Variants in PLGRKT observed in about 807,000 individuals in gnomAD.
PLGRKT encodes plasminogen receptor (KT).
Under a neutral mutation model 18.5 loss-of-function variants are expected in PLGRKT, and 22 were observed. That is an observed-to-expected ratio of 1.19 (90% confidence interval 0.85 to 1.70). The LOEUF (loss-of-function observed/expected upper bound fraction) is 1.70, where lower values mean the gene tolerates loss of function less well. Ranked by LOEUF, PLGRKT falls within the 40% of genes most tolerant of loss-of-function variation. The pLI is 0.00. For missense variants in PLGRKT, 235 were observed against 174.4 expected, an observed-to-expected ratio of 1.35 and a Z score of -1.96; for synonymous variants, 72 against 52.8, an observed-to-expected ratio of 1.36 and a Z score of -1.58.
intron 3 of PLGRKT, among the ~76,000 whole-genome samples, chr9:5,395,055 T>C (rs1186381777): frequency 1.3e-5 from 2 of 151,062 alleles, no homozygotes; most frequent in Non-Finnish European, 2.9e-5. Context: ...CAATGAAACA[T>C]TACACTCAAA....
intron 3 of PLGRKT, among the ~76,000 whole-genome samples, chr9:5,365,145 T>TC (rs1184867760): frequency 2.6e-5 from 4 of 151,892 alleles, no homozygotes; most frequent in Non-Finnish European, 4.4e-5. Flanking sequence ...AAACCAGGGC[T>TC]CCTTAGAGAA....
At chr9:5,408,952 G>C (rs909687958) in intron 3 of PLGRKT, among the ~76,000 whole-genome samples, 3 of 152,262 alleles carry the variant, frequency 2.0e-5, no homozygotes, top group African/African-American at 7.2e-5. Context: ...CAGCTTCCAT[G>C]TGATGCTAAG....
At chr9:5,363,421 G>C (rs185661587) in intron 3 of PLGRKT, among the ~76,000 whole-genome samples, 1 of 151,906 alleles carries the variant, frequency 6.6e-6, no homozygotes, top group East Asian at 2.0e-4. Flanking sequence ...CCTGGCCCAA[G>C]GTTTTGGACT....
At chr9:5,410,492 C>CT (rs1398801043) in intron 3 of PLGRKT, among the ~76,000 whole-genome samples, 1 of 126,152 alleles carries the variant, frequency 7.9e-6, no homozygotes, top group African/African-American at 3.4e-5. Flanking sequence ...GAGCAAGACT[C>CT]TGTCTCAAAA....
At chr9:5,370,000 G>C (rs1196843365) in intron 3 of PLGRKT, among the ~76,000 whole-genome samples, 7 of 152,060 alleles carry the variant, frequency 4.6e-5, no homozygotes, top group Admixed American at 4.6e-4. Flanking sequence ...ATAACGTGTT[G>C]ATGGGTGCAG....
intron 3 of PLGRKT, among the ~76,000 whole-genome samples, chr9:5,378,797 A>G (rs1299133055): frequency 1.3e-5 from 2 of 152,216 alleles, no homozygotes; most frequent in South Asian, 2.1e-4. Flanking sequence ...GGATTTAACC[A>G]TCTCTTTCAG....
intron 3 of PLGRKT, among the ~76,000 whole-genome samples, chr9:5,404,580 C>T (rs1818220316): frequency 6.6e-6 from 1 of 152,162 alleles, no homozygotes; most frequent in African/African-American, 2.4e-5. Flanking sequence ...TTCAACATCG[C>T]TTCATGTTAA....
Position 5,427,810 on chromosome 9 carries a change from G to T in PLGRKT, c.81+4087C>A, listed in dbSNP as rs553776570. On this transcript the variant is annotated intron_variant, in intron 3 of 5. Coordinates refer to ENST00000223864, the MANE Select transcript of PLGRKT (RefSeq NM_018465.4). ...TGACTTTCTGGAAAAGGAGGGACAA[G>T]GGCCCTGGTTGGCTGGGTTACAGGA... Among the ~76,000 whole-genome samples, 13 of 152,328 alleles carry T rather than the reference G, an allele frequency of 8.5e-5. No individual in the cohort carries two copies. In the South Asian group the frequency reaches 2.7e-3, roughly 32 times the overall value.
At chr9:5,424,974 CCAAAGTCTAACAACAGATATAAAGGT>C (rs1818668215) in intron 3 of PLGRKT, among the ~76,000 whole-genome samples, 1 of 151,898 alleles carries the variant, frequency 6.6e-6, no homozygotes, top group African/African-American at 2.4e-5. Context: ...TTTCTTAACA[CCAAAGTCTAACAACAGATATAAAGGT>C]CAAAGTCTAG....
At chr9:5,379,141 A>G (rs576430658) in intron 3 of PLGRKT, among the ~76,000 whole-genome samples, 1 of 152,328 alleles carries the variant, frequency 6.6e-6, no homozygotes, top group African/African-American at 2.4e-5. Flanking sequence ...GGTTGAATAT[A>G]TAATCAACAC....
At chr9:5,435,262 T>C (rs913976702) in intron 2 of PLGRKT, among the ~76,000 whole-genome samples, 1 of 149,098 alleles carries the variant, frequency 6.7e-6, no homozygotes, top group Non-Finnish European at 1.5e-5. Flanking sequence ...TCCACTATTA[T>C]CCTATGACCC....
intron 3 of PLGRKT, among the ~76,000 whole-genome samples, chr9:5,366,995 A>G (rs1387950260): frequency 6.7e-6 from 1 of 150,140 alleles, no homozygotes; most frequent in East Asian, 2.0e-4. Flanking sequence ...CAAGAATGCA[A>G]TCCCATTTAC....
Position 5,424,482 on chromosome 9 carries a change from TATA to T in PLGRKT, c.81+7412_81+7414del, listed in dbSNP as rs547791121. Among the ~76,000 whole-genome samples the T allele has an allele frequency of 7.9e-3, 1,011 of 128,104 alleles. 26 individuals carry two copies. Among genetic ancestry groups the T allele is most frequent in the African/African-American group, 0.029 (965 of 33,720 alleles). 84.0% of individuals were successfully genotyped at this position (128,104 alleles called of 152,430 possible). ...ACATAATATATAACATATTATAAAATATAATATATATTATTAACATATAATATA... is the reference window on the plus strand; with the variant it reads ...ACATAATATATAACATATTATAAAATATATATATTATTAACATATAATATA... On this transcript the variant is annotated intron_variant, in intron 3 of 5. Coordinates refer to ENST00000223864, the MANE Select transcript of PLGRKT (RefSeq NM_018465.4).
intron 3 of PLGRKT, among the ~76,000 whole-genome samples, chr9:5,424,085 T>A (rs936811176): frequency 1.5e-5 from 2 of 133,458 alleles, no homozygotes; most frequent in African/African-American, 5.8e-5. Flanking sequence ...ATGTATAATA[T>A]ATAATATATA....
chr9:5,381,991 G>C (rs971873086), intron 3 of PLGRKT: 1 of 985,202 alleles, frequency 1.0e-6, no homozygotes, highest in African/African-American at 1.7e-5. Flanking sequence ...CCCCTGGCTT[G>C]TTTACCCAGT....
At chr9:5,388,501 T>G (rs1188340601) in intron 3 of PLGRKT, among the ~76,000 whole-genome samples, 1 of 152,034 alleles carries the variant, frequency 6.6e-6, no homozygotes, top group Admixed American at 6.5e-5. Context: ...GAGATCATAT[T>G]TCTGCATTGA....
At chr9:5,383,687 C>T (rs1817787781) in intron 3 of PLGRKT, among the ~76,000 whole-genome samples, 2 of 152,104 alleles carry the variant, frequency 1.3e-5, no homozygotes, top group African/African-American at 2.4e-5. Context: ...CAACCTACAT[C>T]CCTCACATGC....
intron 3 of PLGRKT, chr9:5,381,751 C>T (rs1817750887): frequency 3.2e-6 from 1 of 313,610 alleles, no homozygotes; most frequent in South Asian, 1.3e-4. Context: ...CACTTGTTGC[C>T]TCTGTGTAGT....
chr9:5,419,380 C>G (rs922857275), intron 3 of PLGRKT, among the ~76,000 whole-genome samples: 16 of 152,232 alleles, frequency 1.1e-4, no homozygotes, highest in Non-Finnish European at 2.1e-4. Context: ...CCAGGAAGCA[C>G]AATTGAGACT....
Sources: gnomAD v4.1 joint callset for allele counts (sites outside exome capture counted in the v4.1 genomes callset) on GRCh38, gnomAD v4.1.1 for gene constraint, MANE v1.5 for transcripts, NCBI Gene and HGNC (gene_info 2026-07-23, HGNC 2026-07-21) for gene names.